The following ZC3H3 variants were observed in gnomAD, a reference collection of about 807,000 sequenced individuals.
The protein encoded by ZC3H3 is zinc finger CCCH-type containing 3, also known as zinc finger CCCH domain-containing protein 3.
In ZC3H3, 36 loss-of-function variants were observed where a neutral mutation model predicts 77.3. The ratio of observed to expected loss-of-function variants is 0.47; its 90% CI spans 0.36 to 0.61. The LOEUF (loss-of-function observed/expected upper bound fraction) is 0.61. Ranked by LOEUF, ZC3H3 falls within the 20% of genes least tolerant of loss-of-function variation. The pLI, the probability that ZC3H3 is intolerant of heterozygous loss-of-function variation, is 0.00. For missense variants in ZC3H3, 1,331 were observed against 1,312.2 expected, an observed-to-expected ratio of 1.01 and a Z score of -0.22; for synonymous variants, 626 against 555.2, an observed-to-expected ratio of 1.13 and a Z score of -1.79.
chr8:143,512,447 G>A (rs923055788), intron 3 of ZC3H3, among the ~76,000 whole-genome samples: 2 of 152,240 alleles, frequency 1.3e-5, no homozygotes, highest in Non-Finnish European at 2.9e-5. Flanking sequence ...CAGTCCTCTT[G>A]CAGTTTCTGA....
At chr8:143,520,075 G>A (rs1822192380) in intron 3 of ZC3H3, among the ~76,000 whole-genome samples, 1 of 152,240 alleles carries the variant, frequency 6.6e-6, no homozygotes, top group Admixed American at 6.5e-5. Flanking sequence ...GCTTCTTCGG[G>A]GCTCAAGGAG....
chr8:143,496,587 G>A (rs2129985866), intron 4 of ZC3H3, among the ~76,000 whole-genome samples: 1 of 152,318 alleles, frequency 6.6e-6, no homozygotes, highest in East Asian at 1.9e-4. Flanking sequence ...ACGACGCAGG[G>A]CAAAGGCGAC....
At chr8:143,479,287 G>A (rs557409830) in intron 4 of ZC3H3, among the ~76,000 whole-genome samples, 24 of 152,310 alleles carry the variant, frequency 1.6e-4, no homozygotes, top group East Asian at 3.9e-4. Flanking sequence ...AGCTTTTCAC[G>A]GCCGTGGGTG....
Position 143,533,405 on chromosome 8 carries a change from CCT to C in ZC3H3, c.1561+2850_1561+2851del, listed in dbSNP as rs1186994331. 1.3e-5 allele frequency among the ~76,000 whole-genome samples: 2 copies of C among 152,194 alleles called. No homozygotes were observed. The highest frequency in any genetic ancestry group is 2.9e-5 in the Non-Finnish European group (2 of 68,038). On this transcript the variant is annotated intron_variant, in intron 3 of 11. Transcript: ENST00000262577. This position sits in a 1 kb window ranked among gnomAD's most constrained non-coding sequence, Gnocchi z 4.0. ...TCTGCAGCTGGCCCTGTGCTCTCCC[CCT>C]GCCTGTTCCTCAGAAGGCATTTTCC...
At chr8:143,477,967 C>T (rs1820785373) in intron 4 of ZC3H3, among the ~76,000 whole-genome samples, 1 of 152,160 alleles carries the variant, frequency 6.6e-6, no homozygotes, top group Non-Finnish European at 1.5e-5. Flanking sequence ...CCCCCAGCTC[C>T]CTGCCTCCCC....
At chr8:143,466,674 C>CCTT in intron 8 of ZC3H3, among the ~76,000 whole-genome samples, 1 of 152,244 alleles carries the variant, frequency 6.6e-6, no homozygotes, top group African/African-American at 2.4e-5. Context: ...GCCTGGGTGT[C>CCTT]CAGAACAAGG....
intron 11 of ZC3H3, 128 bp downstream of exon 11, chr8:143,439,913 C>G (rs1819684191): frequency 3.5e-6 from 2 of 572,286 alleles, no homozygotes; most frequent in Non-Finnish European, 5.3e-6. Flanking sequence ...GGGGCCCGAG[C>G]CAGGCCATGC....
chr8:143,490,042 T>TA (rs1350333042), intron 4 of ZC3H3, among the ~76,000 whole-genome samples: 29 of 152,122 alleles, frequency 1.9e-4, no homozygotes, highest in Admixed American at 1.8e-3. Flanking sequence ...GAAACACCCT[T>TA]AGACACCCGT....
In ZC3H3 at chr8:143,538,077, G is replaced by T. The variant is rs1412610722; in HGVS notation, c.1290C>A (p.Leu430=). ...AAGCCGAGAGCGGGGTCTCCCCAGAGAGGGGCTTCAAGCCACTGTGTCCTA... is the reference window on the plus strand; with the variant it reads ...AAGCCGAGAGCGGGGTCTCCCCAGATAGGGGCTTCAAGCCACTGTGTCCTA... ...PAVGHSGLKP[L]SGETPLSAYK... Residue 430 remains leucine (L), a synonymous_variant, in exon 2 of 12, where the codon CTC becomes CTA. Coordinates refer to ENST00000262577, the MANE Select transcript of ZC3H3 (RefSeq NM_015117.3). 1.2e-6 allele frequency: 2 copies of T among 1,613,020 alleles called. No individual in the cohort carries two copies. Among genetic ancestry groups the T allele is most frequent in the Non-Finnish European group, 8.5e-7 (1 of 1,180,010 alleles).
intron 3 of ZC3H3, among the ~76,000 whole-genome samples, chr8:143,511,932 C>A (rs1429373169): frequency 6.6e-6 from 1 of 152,264 alleles, no homozygotes; most frequent in Non-Finnish European, 1.5e-5. Context: ...GAGCAGGAGG[C>A]CAAGACTGGC....
chr8:143,468,573 G>A, intron 6 of ZC3H3, 33 bp from the exon 7 acceptor site: 4 of 1,593,728 alleles, frequency 2.5e-6, no homozygotes, highest in Non-Finnish European at 2.6e-6. Context: ...GTGAGCCTGA[G>A]GGCGAGCAGG....
intron 9 of ZC3H3, among the ~76,000 whole-genome samples, chr8:143,449,855 T>C (rs1462306910): frequency 6.6e-6 from 1 of 151,634 alleles, no homozygotes; most frequent in African/African-American, 2.4e-5. Context: ...GCCAACCTCT[T>C]TGCTAGCACA....
At chr8:143,505,522 G>A (rs1412990782) in intron 4 of ZC3H3, among the ~76,000 whole-genome samples, 1 of 152,100 alleles carries the variant, frequency 6.6e-6, no homozygotes, top group African/African-American at 2.4e-5. Flanking sequence ...TTCTTCCCAG[G>A]ACTTCCTAAG....
intron 4 of ZC3H3, among the ~76,000 whole-genome samples, chr8:143,507,171 C>T (rs1252037509): frequency 6.6e-6 from 1 of 152,254 alleles, no homozygotes; most frequent in African/African-American, 2.4e-5. Context: ...GGCAAAGCCT[C>T]CCGGGATAGC....
At chr8:143,518,626 C>A (rs1285808480) in intron 3 of ZC3H3, among the ~76,000 whole-genome samples, 1 of 152,240 alleles carries the variant, frequency 6.6e-6, no homozygotes, top group African/African-American at 2.4e-5. Flanking sequence ...TCGTGGATGC[C>A]AGGCACCAGG....
At chr8:143,524,117 G>C (rs1185911109) in intron 3 of ZC3H3, among the ~76,000 whole-genome samples, 2 of 152,260 alleles carry the variant, frequency 1.3e-5, no homozygotes, top group Non-Finnish European at 2.9e-5. Context: ...GTGTGCCTGG[G>C]AGAGACACCG....
At chr8:143,507,466 C>G (rs117121274) in intron 4 of ZC3H3, among the ~76,000 whole-genome samples, 1 of 152,400 alleles carries the variant, frequency 6.6e-6, no homozygotes, top group East Asian at 1.9e-4. Flanking sequence ...AGAGCCCTCA[C>G]CAGCTAATAG....
intron 5 of ZC3H3, 67 bp from the exon 6 acceptor site, chr8:143,468,726 C>G (rs1467524446): frequency 8.6e-6 from 13 of 1,506,768 alleles, no homozygotes; most frequent in African/African-American, 1.4e-5. Context: ...TCCCTGCTGA[C>G]CCCCTTAGTC....
chr8:143,518,274 C>T (rs916240907), intron 3 of ZC3H3, among the ~76,000 whole-genome samples: 1 of 152,230 alleles, frequency 6.6e-6, no homozygotes, highest in African/African-American at 2.4e-5. Context: ...CAGCCCACCC[C>T]TGACCTTCAC....
Sources: allele counts gnomAD v4.1 joint callset (sites outside exome capture counted in the v4.1 genomes callset), GRCh38; gene constraint gnomAD v4.1.1; non-coding constraint Gnocchi (gnomAD v3.1); transcripts MANE v1.5; gene names NCBI Gene and HGNC (gene_info 2026-07-23, HGNC 2026-07-21).